Variants in VEPH1 observed in about 807,000 individuals in gnomAD.
VEPH1 encodes ventricular zone expressed PH domain containing 1.
In VEPH1, 80 loss-of-function variants were observed where a neutral mutation model predicts 85.2. The observed-to-expected ratio is 0.94, with a 90% CI of 0.78 to 1.13. The LOEUF (loss-of-function observed/expected upper bound fraction) is 1.13, where lower values mean the gene tolerates loss of function less well. VEPH1 is among the 50% of genes most tolerant of loss of function. The pLI, the probability that VEPH1 is intolerant of heterozygous loss-of-function variation, is 0.00. For synonymous variants in VEPH1, 297 were observed against 348.0 expected (o/e 0.85, Z 1.63); for missense variants, 955 against 980.5 (o/e 0.97, Z 0.35).
intron 4 of VEPH1, among the ~76,000 whole-genome samples, chr3:157,439,997 G>A (rs1440345289): frequency 1.3e-5 from 2 of 152,056 alleles, no homozygotes; most frequent in Non-Finnish European, 2.9e-5. Context: ...TGATCCACCC[G>A]CCTCAGCCTC....
At chr3:157,267,551 G>A (rs751257764) in intron 12 of VEPH1, among the ~76,000 whole-genome samples, 1 of 151,822 alleles carries the variant, frequency 6.6e-6, no homozygotes, top group Admixed American at 6.6e-5. Context: ...TTGGGAGGCC[G>A]AGGTGGGTGG....
chr3:157,495,549 G>A, intron 1 of VEPH1, 43 bp from the exon 2 acceptor site: 3 of 1,313,850 alleles, frequency 2.3e-6, no homozygotes, highest in Non-Finnish European at 3.0e-6. Context: ...CTGGCAGAAT[G>A]GCATAAGCTC....
intron 9 of VEPH1, among the ~76,000 whole-genome samples, chr3:157,360,948 A>G (rs1281933231): frequency 2.6e-5 from 4 of 152,240 alleles, no homozygotes; most frequent in African/African-American, 7.2e-5. Context: ...ACATTTCCAC[A>G]AGACTAAAAC....
At chr3:157,364,784 C>T (rs1375312847) in intron 7 of VEPH1, among the ~76,000 whole-genome samples, 1 of 152,140 alleles carries the variant, frequency 6.6e-6, no homozygotes, top group African/African-American at 2.4e-5. Context: ...AGTTTTTATG[C>T]TCATGTACCA....
intron 9 of VEPH1, among the ~76,000 whole-genome samples, chr3:157,361,836 A>G (rs13316165): frequency 0.059 from 8,952 of 152,254 alleles, 312 homozygotes; most frequent in South Asian, 0.11. Flanking sequence ...AATATATAGT[A>G]ATCAAGATAT....
chr3:157,387,135 G>C (rs73018270), intron 6 of VEPH1, among the ~76,000 whole-genome samples: 233 of 152,228 alleles, frequency 1.5e-3, no homozygotes, highest in African/African-American at 5.4e-3. Context: ...GTAATTTGTT[G>C]ACCCCTGAAC....
At chr3:157,384,234 G>A (rs373853729) in intron 6 of VEPH1, among the ~76,000 whole-genome samples, 2 of 152,146 alleles carry the variant, frequency 1.3e-5, no homozygotes, top group Non-Finnish European at 2.9e-5. Context: ...GAGAGAAGGC[G>A]ACATTTGAAT....
intron 2 of VEPH1, among the ~76,000 whole-genome samples, chr3:157,473,209 A>AGC (rs1174390753): frequency 2.0e-5 from 3 of 150,576 alleles, no homozygotes; most frequent in Non-Finnish European, 4.4e-5. Flanking sequence ...AGTAGCTGGG[A>AGC]CTATAGGAGC....
chr3:157,355,923 T>A (rs1725375672), intron 9 of VEPH1, among the ~76,000 whole-genome samples: 1 of 150,270 alleles, frequency 6.7e-6, no homozygotes, highest in Non-Finnish European at 1.5e-5. Context: ...TTTTTGAGAC[T>A]GGGTCTCTCT....
intron 1 of VEPH1, among the ~76,000 whole-genome samples, chr3:157,502,745 A>G (rs1740212754): frequency 6.6e-6 from 1 of 152,218 alleles, no homozygotes; most frequent in South Asian, 2.1e-4. Context: ...AAAGAGTAAA[A>G]AAGTGGTTAG....
At position 157,286,593 on chromosome 3, in the gene VEPH1, G is replaced by A; in HGVS notation, c.2092C>T (p.Gln698Ter). ...FGFSETAGAW[Q>*]CFMCNNPEKA... ...TCAGGATTGTTGCACATGAAGCATT[G>A]CCATGCTCCTGCTGTTTCACTGAAG... Residue 698 changes from glutamine to a stop codon, truncating the protein, a stop_gained, in exon 12 of 14, where the codon CAA becomes TAA. Transcript: ENST00000362010. LOFTEE classifies it high-confidence loss of function. 6.2e-7 allele frequency: 1 copy of A among 1,614,098 alleles called. No homozygotes were observed. The highest frequency in any genetic ancestry group is 8.5e-7 in the Non-Finnish European group (1 of 1,179,954).
At chr3:157,455,916 A>T (rs1224999199) in intron 4 of VEPH1, among the ~76,000 whole-genome samples, 2 of 152,158 alleles carry the variant, frequency 1.3e-5, no homozygotes, top group African/African-American at 4.8e-5. Context: ...ATGATGGAAC[A>T]ATTTATATTT....
intron 5 of VEPH1, among the ~76,000 whole-genome samples, chr3:157,414,788 C>T (rs1074864): frequency 0.42 from 64,121 of 151,872 alleles, 14,458 homozygotes; most frequent in Admixed American, 0.58. Flanking sequence ...GTTTTGTTGG[C>T]TAAAATAGAA....
intron 12 of VEPH1, among the ~76,000 whole-genome samples, chr3:157,269,983 G>A (rs1193391092): frequency 6.6e-6 from 1 of 152,148 alleles, no homozygotes; most frequent in Non-Finnish European, 1.5e-5. Flanking sequence ...GCTCATGCCT[G>A]TAATCCCAGT....
chr3:157,480,476 C>T lies in VEPH1; in HGVS notation c.139-9947G>A, dbSNP rs1737933234. 2.0e-5 allele frequency among the ~76,000 whole-genome samples: 3 copies of T among 151,996 alleles called. No homozygotes were observed. In the South Asian group the frequency reaches 6.2e-4, roughly 31 times the overall value. ...CTTCCCTCCCTCTTTCTCTAGTCTC[C>T]AGTGTCTATTGTTCCCATCCTTACG... is the stretch of plus-strand genomic sequence containing the variant. On this transcript the variant is annotated intron_variant, in intron 2 of 13. Coordinates refer to ENST00000362010, the MANE Select transcript of VEPH1 (RefSeq NM_001167912.2).
chr3:157,267,094 T>A (rs1713758293), intron 12 of VEPH1, among the ~76,000 whole-genome samples: 1 of 105,410 alleles, frequency 9.5e-6, no homozygotes, highest in Non-Finnish European at 1.9e-5. Flanking sequence ...TTTCTTTTTC[T>A]TTTTTTTCTT....
intron 4 of VEPH1, among the ~76,000 whole-genome samples, chr3:157,440,563 T>A (rs933915580): frequency 6.6e-6 from 1 of 152,024 alleles, no homozygotes; most frequent in African/African-American, 2.4e-5. Flanking sequence ...TAGGTGTTTT[T>A]AAAAAAATAC....
chr3:157,493,553 A>C (rs1345125484), intron 2 of VEPH1, among the ~76,000 whole-genome samples: 1 of 152,234 alleles, frequency 6.6e-6, no homozygotes, highest in Non-Finnish European at 1.5e-5. Context: ...GGTTACAGAT[A>C]GAGAAATGGA....
intron 6 of VEPH1, among the ~76,000 whole-genome samples, chr3:157,403,916 C>T (rs1212372545): frequency 1.3e-5 from 2 of 152,136 alleles, no homozygotes; most frequent in South Asian, 2.1e-4. Context: ...CTTACACTTT[C>T]ATGTGCATAC....
Sources: gnomAD v4.1 joint callset for allele counts (sites outside exome capture counted in the v4.1 genomes callset) on GRCh38, gnomAD v4.1.1 for gene constraint, MANE v1.5 for transcripts, NCBI Gene and HGNC (gene_info 2026-07-23, HGNC 2026-07-21) for gene names.